The following SPATA13 variants were observed in gnomAD, a reference collection of about 807,000 sequenced individuals.
The protein encoded by SPATA13 is spermatogenesis associated 13.
SPATA13 carries 50 observed loss-of-function variants against 104.0 expected under a neutral mutation model. That is an observed-to-expected ratio of 0.48 (90% CI 0.38 to 0.61). SPATA13 has a LOEUF of 0.61. SPATA13 is among the 20% of genes least tolerant of loss of function. The probability of loss-of-function intolerance (pLI) is 0.00; values close to 1 mark genes in which losing one functional copy is unlikely to be tolerated. For synonymous variants in SPATA13, 606 were observed against 667.5 expected, an observed-to-expected ratio of 0.91 and a Z score of 1.42; for missense variants, 1,524 against 1,690.6, an observed-to-expected ratio of 0.90 and a Z score of 1.73.
chr13:24,220,296 T>TA (rs1320164346), intron 1 of SPATA13, among the ~76,000 whole-genome samples: 1 of 152,160 alleles, frequency 6.6e-6, no homozygotes, highest in Non-Finnish European at 1.5e-5. Context: ...TAAAAGGTCT[T>TA]ATAGTGCCCT....
chr13:24,225,118 C>T (rs1244193215), intron 2 of SPATA13, among the ~76,000 whole-genome samples: 1 of 152,236 alleles, frequency 6.6e-6, no homozygotes, highest in Non-Finnish European at 1.5e-5. Context: ...GCCCACTAGC[C>T]TCGTTCCACC....
rs566481161 is a variant in SPATA13, at chr13:24,247,773, C to T, written c.1654-1704C>T. Among the ~76,000 whole-genome samples, 31 of 152,194 alleles carry T rather than the reference C, an allele frequency of 2.0e-4. 1 individual carries two copies. Among genetic ancestry groups the T allele is most frequent in the African/African-American group, 6.5e-4 (27 of 41,534 alleles). ...GCTGGGATTACGGACGTGAGCCACC[C>T]GCCCGGGCTCTGCATCCACTTCTTC... On this transcript the variant is annotated intron_variant, in intron 2 of 12. Transcript: ENST00000382108.
chr13:24,027,970 G>A (rs1454314662), intron 3 of SPATA13, among the ~76,000 whole-genome samples: 1 of 152,036 alleles, frequency 6.6e-6, no homozygotes, highest in African/African-American at 2.4e-5. Flanking sequence ...TGATGAAATT[G>A]TTTTTGTTAT....
At chr13:24,295,391 G>A (rs944676082) in intron 10 of SPATA13, among the ~76,000 whole-genome samples, 9 of 152,010 alleles carry the variant, frequency 5.9e-5, no homozygotes, top group Admixed American at 5.2e-4. Context: ...TGTGAGAATC[G>A]CTTGAGCCCA....
At chr13:24,134,789 C>T (rs1475350042) in intron 3 of SPATA13, among the ~76,000 whole-genome samples, 3 of 152,120 alleles carry the variant, frequency 2.0e-5, no homozygotes. Flanking sequence ...GAGCTTCACT[C>T]GTTGTTATGG....
At chr13:24,278,512 A>G in intron 4 of SPATA13, 2 of 707,298 alleles carry the variant, frequency 2.8e-6, no homozygotes, top group East Asian at 7.1e-5. Flanking sequence ...TCCTGGGCTC[A>G]AGGGATCCTC....
intron 3 of SPATA13, among the ~76,000 whole-genome samples, chr13:24,139,535 T>G (rs4770603): frequency 0.82 from 125,284 of 152,236 alleles, 51,748 homozygotes; most frequent in East Asian, 0.92. Context: ...TCTGTTATAT[T>G]AAGGTGCTGC....
At chr13:24,285,491 G>A (rs1045243747) in intron 5 of SPATA13, among the ~76,000 whole-genome samples, 4 of 151,318 alleles carry the variant, frequency 2.6e-5, no homozygotes, top group African/African-American at 9.8e-5. Context: ...TTTTAAAAAG[G>A]GGCCTGCCTG....
chr13:24,297,478 TG>T lies in SPATA13; in HGVS notation c.3327del (p.Ser1110ProfsTer40), dbSNP rs1386407626. Reference sequence around the variant, plus strand: ...TTCTTCCTGTTTGACCACCAGCTGGTGTCCTGCAAGAAGGACCTGCTGCGCA... The same window carrying T: ...TTCTTCCTGTTTGACCACCAGCTGGTTCCTGCAAGAAGGACCTGCTGCGCA... The part of the protein sequence containing the change: ...RTFFLFDHQL[V>X]SCKKDLLRRD... On this transcript the variant is annotated frameshift_variant, in exon 11 of 13. Coordinates refer to ENST00000382108, the MANE Select transcript of SPATA13 (RefSeq NM_001166271.3). LOFTEE classifies it high-confidence loss of function. The T allele has an allele frequency of 6.2e-7, 1 of 1,614,074 alleles. No individual in the cohort carries two copies. Among genetic ancestry groups the T allele is most frequent in the African/African-American group, 1.3e-5 (1 of 74,956 alleles).
intron 2 of SPATA13, among the ~76,000 whole-genome samples, chr13:24,014,011 C>T (rs139571252): frequency 6.6e-6 from 1 of 152,120 alleles, no homozygotes; most frequent in Non-Finnish European, 1.5e-5. Context: ...AAACCCGTCA[C>T]GCAAAGGGGC....
intron 2 of SPATA13, among the ~76,000 whole-genome samples, chr13:24,229,910 T>TA (rs891269048): frequency 1.3e-5 from 2 of 152,166 alleles, no homozygotes; most frequent in African/African-American, 4.8e-5. Flanking sequence ...TTCAATTCCA[T>TA]AAAAGTGGTA....
At chr13:24,153,732 A>G (rs757654372) in intron 3 of SPATA13, among the ~76,000 whole-genome samples, 15 of 152,212 alleles carry the variant, frequency 9.9e-5, no homozygotes, top group Middle Eastern at 3.2e-3. Context: ...AGGAGAACAG[A>G]GTCTAAAAGA....
At chr13:24,142,152 G>T (rs977981487) in intron 3 of SPATA13, among the ~76,000 whole-genome samples, 2 of 151,192 alleles carry the variant, frequency 1.3e-5, no homozygotes, top group Non-Finnish European at 2.9e-5. Flanking sequence ...TAGGACAGAG[G>T]GGTCTTATGT....
chr13:24,067,601 C>A (rs972185808), intron 3 of SPATA13, among the ~76,000 whole-genome samples: 1 of 152,174 alleles, frequency 6.6e-6, no homozygotes, highest in African/African-American at 2.4e-5. Context: ...ACTAATATTT[C>A]TTTTGAAGTT....
chr13:24,004,495 G>A (rs1269763556), intron 2 of SPATA13, among the ~76,000 whole-genome samples: 1 of 152,064 alleles, frequency 6.6e-6, no homozygotes, highest in Non-Finnish European at 1.5e-5. Context: ...GCCATCCAGG[G>A]GTGAGGGGCT....
At chr13:24,071,034 A>T (rs1228816864) in intron 3 of SPATA13, among the ~76,000 whole-genome samples, 5 of 152,130 alleles carry the variant, frequency 3.3e-5, no homozygotes. Flanking sequence ...CTGTGTATAT[A>T]TTCTGTTGGT....
intron 1 of SPATA13, among the ~76,000 whole-genome samples, chr13:24,209,964 A>G (rs909078393): frequency 6.6e-6 from 1 of 152,034 alleles, no homozygotes; most frequent in Non-Finnish European, 1.5e-5. Context: ...CCATCCTAAC[A>G]GGTGTGAGGT....
intron 2 of SPATA13, among the ~76,000 whole-genome samples, chr13:23,993,975 T>G (rs887789873): frequency 1.6e-5 from 2 of 126,478 alleles, no homozygotes; most frequent in East Asian, 2.0e-4. Flanking sequence ...GTGGTGTTTT[T>G]TTTTTTTTTT....
intron 4 of SPATA13, among the ~76,000 whole-genome samples, chr13:24,257,539 C>A (rs1022030174): frequency 6.6e-6 from 1 of 151,630 alleles, no homozygotes; most frequent in Non-Finnish European, 1.5e-5. Context: ...ACAAACTTGG[C>A]AAGTTGACTT....
Sources: allele counts gnomAD v4.1 joint callset (sites outside exome capture counted in the v4.1 genomes callset), GRCh38; gene constraint gnomAD v4.1.1; transcripts MANE v1.5; gene names NCBI Gene and HGNC (gene_info 2026-07-23, HGNC 2026-07-21).